Variants in ADGRB3 observed in about 807,000 individuals in gnomAD.
The protein encoded by ADGRB3 is adhesion G protein-coupled receptor B3.
ADGRB3 carries 37 observed loss-of-function variants against 193.4 expected under a neutral mutation model. The observed-to-expected ratio is 0.19, with a 90% CI of 0.15 to 0.25. The LOEUF (loss-of-function observed/expected upper bound fraction) is 0.25, where lower values mean the gene tolerates loss of function less well. Ranked by LOEUF, ADGRB3 falls within the 10% of genes least tolerant of loss-of-function variation. The pLI is 1.00. For missense variants in ADGRB3, 1,637 were observed against 1,852.9 expected (o/e 0.88, Z 2.14); for synonymous variants, 690 against 644.2 (o/e 1.07, Z -1.08).
intron 16 of ADGRB3, among the ~76,000 whole-genome samples, chr6:69,069,139 A>G (rs1297171676): frequency 2.6e-5 from 4 of 152,178 alleles, no homozygotes; most frequent in African/African-American, 9.6e-5. Context: ...TCTAAGTATC[A>G]TTTAAAATAC....
intron 17 of ADGRB3, among the ~76,000 whole-genome samples, chr6:69,082,958 C>A (rs1472304513): frequency 6.6e-6 from 1 of 152,166 alleles, no homozygotes; most frequent in East Asian, 1.9e-4. Context: ...AACCTAGGAT[C>A]CCTTAAGCTA....
intron 17 of ADGRB3, among the ~76,000 whole-genome samples, chr6:69,202,035 G>C (rs554159130): frequency 6.6e-6 from 1 of 152,206 alleles, no homozygotes; most frequent in Admixed American, 6.6e-5. Context: ...CACCATTCCT[G>C]CATGCCAGCT....
intron 11 of ADGRB3, among the ~76,000 whole-genome samples, chr6:69,005,268 C>G (rs927502542): frequency 3.3e-5 from 5 of 151,454 alleles, no homozygotes; most frequent in African/African-American, 7.3e-5. Flanking sequence ...TTATTCTTTC[C>G]ACTTAGCTTC....
At chr6:68,967,697 C>T (rs1427112219) in intron 8 of ADGRB3, among the ~76,000 whole-genome samples, 1 of 151,186 alleles carries the variant, frequency 6.6e-6, no homozygotes, top group African/African-American at 2.4e-5. Flanking sequence ...AATTCAAAAA[C>T]AGATCTAGCC....
chr6:68,874,438 C>A (rs17260682), intron 3 of ADGRB3, among the ~76,000 whole-genome samples: 34,689 of 151,874 alleles, frequency 0.23, 4,522 homozygotes, highest in African/African-American at 0.36. Flanking sequence ...TTAAAACATT[C>A]TTTTATCAAA....
intron 3 of ADGRB3, among the ~76,000 whole-genome samples, chr6:68,881,845 T>C (rs1193108387): frequency 6.6e-6 from 1 of 152,222 alleles, no homozygotes; most frequent in Non-Finnish European, 1.5e-5. Flanking sequence ...ATCATATTCA[T>C]CTGTTCCATA....
At chr6:69,370,181 T>C (rs1451717228) in intron 29 of ADGRB3, among the ~76,000 whole-genome samples, 1 of 152,184 alleles carries the variant, frequency 6.6e-6, no homozygotes, top group Non-Finnish European at 1.5e-5. Flanking sequence ...TTTTTCTTAT[T>C]CATAAAATAA....
chr6:69,332,253 G>C lies in ADGRB3; in HGVS notation c.3103-670G>C, dbSNP rs952493867. 1.8e-4 allele frequency: 179 copies of C among 985,154 alleles called. 1 individual carries two copies. The highest frequency in any genetic ancestry group is 1.0e-3 in the Middle Eastern group (2 of 1,936). 61.0% of individuals were successfully genotyped at this position (985,154 alleles called of 1,614,324 possible). A position where few individuals can be genotyped will look rare whatever the true frequency, so the allele number is the denominator to read the frequency against. On this transcript the variant is annotated intron_variant, in intron 23 of 31. Transcript: ENST00000370598. ...ATTTCATTTCATGTATCATGCAAAA[G>C]ACCTTTTAAGTGAGAATAAGAAAGT...
In ADGRB3 at chr6:68,920,399, T is replaced by G. The variant is rs58852795; in HGVS notation, c.758-10160T>G. Among the ~76,000 whole-genome samples the G allele has an allele frequency of 1.6e-3, 244 of 150,438 alleles. 3 individuals carry two copies. The highest frequency in any genetic ancestry group is 5.8e-3 in the African/African-American group (236 of 40,884). On this transcript the variant is annotated intron_variant, in intron 3 of 31. Transcript: ENST00000370598. The stretch of plus-strand genomic sequence containing the variant: ...CCGGGCGTGGTGGTGGGCTCTGTGG[T>G]CCCAGCTACTCCGGAGGCTGAGGCA...
intron 3 of ADGRB3, among the ~76,000 whole-genome samples, chr6:68,732,511 T>C (rs1765793059): frequency 6.6e-6 from 1 of 151,866 alleles, no homozygotes; most frequent in Non-Finnish European, 1.5e-5. Context: ...CATTTGGCCA[T>C]TGTTAAAATT....
intron 5 of ADGRB3, among the ~76,000 whole-genome samples, chr6:68,943,203 C>A (rs1288679343): frequency 1.3e-5 from 2 of 151,994 alleles, no homozygotes; most frequent in African/African-American, 4.8e-5. Flanking sequence ...TGAAACAGGG[C>A]AAAGAGGAAT....
At chr6:68,751,700 C>G (rs1011020377) in intron 3 of ADGRB3, among the ~76,000 whole-genome samples, 3 of 152,056 alleles carry the variant, frequency 2.0e-5, no homozygotes, top group African/African-American at 7.2e-5. Flanking sequence ...ATCCTCACAC[C>G]CTCATCTATT....
chr6:69,161,494 A>G (rs1036596485), intron 17 of ADGRB3, among the ~76,000 whole-genome samples: 9 of 152,134 alleles, frequency 5.9e-5, no homozygotes, highest in Non-Finnish European at 4.4e-5. Context: ...AACACTAATT[A>G]CTGGGCCTCC....
intron 3 of ADGRB3, among the ~76,000 whole-genome samples, chr6:68,760,859 G>A (rs1442720158): frequency 6.6e-6 from 1 of 152,164 alleles, no homozygotes; most frequent in Non-Finnish European, 1.5e-5. Context: ...GAATAAATTT[G>A]TCAGCTGCAT....
At chr6:68,947,818 T>C (rs1157668697) in intron 6 of ADGRB3, among the ~76,000 whole-genome samples, 2 of 152,076 alleles carry the variant, frequency 1.3e-5, no homozygotes. Context: ...GAGCAAATAC[T>C]GTGAAAGTAT....
chr6:69,090,425 A>G (rs951589458), intron 17 of ADGRB3, among the ~76,000 whole-genome samples: 18 of 152,230 alleles, frequency 1.2e-4, no homozygotes, highest in Admixed American at 1.0e-3. Context: ...GCTTTCCAGT[A>G]TATGTAATGA....
At chr6:68,847,654 A>G (rs1768307263) in intron 3 of ADGRB3, among the ~76,000 whole-genome samples, 1 of 152,126 alleles carries the variant, frequency 6.6e-6, no homozygotes, top group Non-Finnish European at 1.5e-5. Flanking sequence ...CTCCCCAGCC[A>G]TGTGGAACTG....
chr6:68,648,792 A>T (rs1041671221), intron 3 of ADGRB3, among the ~76,000 whole-genome samples: 5 of 148,968 alleles, frequency 3.4e-5, no homozygotes, highest in Admixed American at 1.4e-4. Context: ...AATTTTGATA[A>T]TTTTTTTTTA....
At position 68,647,353 on chromosome 6, in the gene ADGRB3, T is replaced by C. The variant is rs531912051; in HGVS notation, c.757+7921T>C. Among the ~76,000 whole-genome samples, 20 of 152,332 alleles carry C rather than the reference T, an allele frequency of 1.3e-4. No individual in the cohort carries two copies. The South Asian group carries it at 2.9e-3, about 22-fold the overall frequency. ...TGTATCTAGTACCCAACCCTTTAAATTTTATTTTTGTACATTAATGTACAT... is the reference window on the plus strand; with the variant it reads ...TGTATCTAGTACCCAACCCTTTAAACTTTATTTTTGTACATTAATGTACAT... On this transcript the variant is annotated intron_variant, in intron 3 of 31. Transcript: ENST00000370598.
Sources: gnomAD v4.1 joint callset for allele counts (sites outside exome capture counted in the v4.1 genomes callset) on GRCh38, gnomAD v4.1.1 for gene constraint, MANE v1.5 for transcripts, NCBI Gene and HGNC (gene_info 2026-07-23, HGNC 2026-07-21) for gene names.